The following PRKN variants were observed in gnomAD, a reference collection of about 807,000 sequenced individuals.
PRKN encodes parkin RBR E3 ubiquitin protein ligase.
PRKN carries 56 observed loss-of-function variants against 59.5 expected under a neutral mutation model. The observed-to-expected ratio is 0.94, with a 90% confidence interval of 0.76 to 1.18. PRKN has a LOEUF of 1.18. Ranked by LOEUF, PRKN falls within the 50% of genes most tolerant of loss-of-function variation. The pLI is 0.00. For synonymous variants in PRKN, 250 were observed against 222.1 expected (o/e 1.13, Z -1.12); for missense variants, 657 against 596.4 (o/e 1.10, Z -1.06).
chr6:161,350,972 T>A (rs1270097988), intron 11 of PRKN, among the ~76,000 whole-genome samples: 10 of 43,142 alleles, frequency 2.3e-4, no homozygotes, highest in African/African-American at 1.0e-3. Context: ...AAAATATATA[T>A]AAATATATTT....
At chr6:161,989,905 C>G (rs191742676) in intron 5 of PRKN, among the ~76,000 whole-genome samples, 57 of 152,278 alleles carry the variant, frequency 3.7e-4, no homozygotes, top group Non-Finnish European at 7.1e-4. Context: ...GCTGCCATCA[C>G]CACTGCTGGC....
chr6:162,349,835 G>C (rs1784552641), intron 2 of PRKN, among the ~76,000 whole-genome samples: 1 of 152,112 alleles, frequency 6.6e-6, no homozygotes. Flanking sequence ...CATTGTACTG[G>C]AGGTTTTAGT....
intron 6 of PRKN, among the ~76,000 whole-genome samples, chr6:161,812,609 G>A (rs1483675927): frequency 6.6e-6 from 1 of 152,122 alleles, no homozygotes; most frequent in African/African-American, 2.4e-5. Context: ...GAAGATAGCA[G>A]AATGTCAAAT....
intron 7 of PRKN, among the ~76,000 whole-genome samples, chr6:161,620,826 C>CAA (rs1782868879): frequency 6.6e-6 from 1 of 152,184 alleles, no homozygotes; most frequent in Non-Finnish European, 1.5e-5. Flanking sequence ...GGGCCAGAGA[C>CAA]AACGTGTCTT....
chr6:162,162,711 A>T (rs1323677821), intron 4 of PRKN, among the ~76,000 whole-genome samples: 1 of 152,210 alleles, frequency 6.6e-6, no homozygotes, highest in African/African-American at 2.4e-5. Flanking sequence ...ACCAATTTGC[A>T]TTAAAGAAAA....
At chr6:162,081,707 A>G (rs141556404) in intron 4 of PRKN, among the ~76,000 whole-genome samples, 184 of 152,242 alleles carry the variant, frequency 1.2e-3, no homozygotes, top group Non-Finnish European at 2.1e-3. Flanking sequence ...CACCCACTGC[A>G]TTACCCCTAA....
chr6:162,266,158 C>A (rs1780121138), intron 2 of PRKN, among the ~76,000 whole-genome samples: 1 of 152,158 alleles, frequency 6.6e-6, no homozygotes, highest in South Asian at 2.1e-4. Context: ...CCCTACCTTT[C>A]CATGTTCAGG....
chr6:162,031,359 G>A (rs1020528170), intron 5 of PRKN, among the ~76,000 whole-genome samples: 4 of 151,860 alleles, frequency 2.6e-5, no homozygotes, highest in African/African-American at 9.7e-5. Context: ...GAAGGTACTC[G>A]ATCATTATTG....
intron 1 of PRKN, among the ~76,000 whole-genome samples, chr6:162,536,847 A>G (rs1322892928): frequency 2.0e-5 from 3 of 152,216 alleles, no homozygotes; most frequent in African/African-American, 4.8e-5. Flanking sequence ...AAGCTGAAGT[A>G]TAACACAGCA....
chr6:162,311,340 GT>G, intron 2 of PRKN, among the ~76,000 whole-genome samples: 1 of 152,004 alleles, frequency 6.6e-6, no homozygotes, highest in Non-Finnish European at 1.5e-5. Context: ...ACTGATCTGG[GT>G]CTAATCAAAG....
Position 161,846,657 on chromosome 6 carries a change from C to T in PRKN, c.735-60749G>A, listed in dbSNP as rs1483170941. Among the ~76,000 whole-genome samples the T allele has an allele frequency of 8.9e-5, 10 of 112,886 alleles. 1 individual carries two copies. Among genetic ancestry groups the T allele is most frequent in the Admixed American group, 2.9e-4 (2 of 6,896 alleles). 74.1% of individuals were successfully genotyped at this position (112,886 alleles called of 152,430 possible). On this transcript the variant is annotated intron_variant, in intron 6 of 11. Transcript: ENST00000366898. Reference sequence around the variant, plus strand: ...CTGCTTCTTTACAAAATGGTATCTGCGTGAGTGAAAAACAATTCAGGGTGG... The same window carrying T: ...CTGCTTCTTTACAAAATGGTATCTGTGTGAGTGAAAAACAATTCAGGGTGG...
At chr6:161,977,783 G>A (rs998889072) in intron 5 of PRKN, among the ~76,000 whole-genome samples, 37 of 151,174 alleles carry the variant, frequency 2.4e-4, no homozygotes, top group Non-Finnish European at 2.9e-4. Context: ...TCCTGACCTC[G>A]TGATCTGCCC....
rs935490492 is a variant in PRKN at position 161,463,093 on chromosome 6, C to T, written c.1084-76216G>A. Among the ~76,000 whole-genome samples the T allele has an allele frequency of 3.3e-5, 5 of 152,166 alleles. No individual in the cohort carries two copies. The highest frequency in any genetic ancestry group is 6.5e-5 in the Admixed American group (1 of 15,286). On this transcript the variant is annotated intron_variant, in intron 9 of 11. Coordinates refer to ENST00000366898, the MANE Select transcript of PRKN (RefSeq NM_004562.3). This position sits in a 1 kb window ranked among gnomAD's most constrained non-coding sequence, Gnocchi z 4.8. Reference sequence around the variant, plus strand: ...CTAATGAGAATTATGGGTGACTGAGCACCAAGGGGTTCCAAGGTCAGTGTG... The same window carrying T: ...CTAATGAGAATTATGGGTGACTGAGTACCAAGGGGTTCCAAGGTCAGTGTG...
intron 1 of PRKN, among the ~76,000 whole-genome samples, chr6:162,620,576 CATGT>C (rs1385886868): frequency 8.5e-5 from 13 of 152,196 alleles, no homozygotes; most frequent in African/African-American, 3.1e-4. Context: ...TTCAGGCCTT[CATGT>C]ATTATCTTTT....
chr6:161,574,203 C>T (rs1317121620), intron 7 of PRKN, among the ~76,000 whole-genome samples: 1 of 152,114 alleles, frequency 6.6e-6, no homozygotes, highest in East Asian at 1.9e-4. Context: ...CAGATATAAA[C>T]TCAGTGTGAA....
At chr6:162,536,269 GT>G (rs1434716190) in intron 1 of PRKN, among the ~76,000 whole-genome samples, 1 of 152,056 alleles carries the variant, frequency 6.6e-6, no homozygotes, top group Non-Finnish European at 1.5e-5. Flanking sequence ...GAAAATCTGT[GT>G]TTCTGGATGC....
chr6:162,162,397 C>G (rs945468327), intron 4 of PRKN, among the ~76,000 whole-genome samples: 10 of 152,122 alleles, frequency 6.6e-5, no homozygotes, highest in Non-Finnish European at 1.3e-4. Context: ...ATTTTGGTAT[C>G]GGTGAGGAGT....
At chr6:162,201,488 G>C (rs1289753850) in intron 3 of PRKN, among the ~76,000 whole-genome samples, 1 of 152,146 alleles carries the variant, frequency 6.6e-6, no homozygotes, top group Admixed American at 6.6e-5. Context: ...GACTTACTCA[G>C]CAAAGTAAGC....
At chr6:162,540,862 T>C (rs548553584) in intron 1 of PRKN, among the ~76,000 whole-genome samples, 62 of 151,882 alleles carry the variant, frequency 4.1e-4, no homozygotes, top group South Asian at 1.0e-3. Context: ...TTTCTGGACA[T>C]ATCTGTCCAA....
Sources: allele counts gnomAD v4.1 joint callset (sites outside exome capture counted in the v4.1 genomes callset), GRCh38; gene constraint gnomAD v4.1.1; non-coding constraint Gnocchi (gnomAD v3.1); transcripts MANE v1.5; gene names NCBI Gene and HGNC (gene_info 2026-07-23, HGNC 2026-07-21).